MINAR1: variants seen among roughly 807,000 people sequenced by gnomAD.
MINAR1 encodes major intrinsically disordered Notch2-binding receptor 1.
In MINAR1, 40 loss-of-function variants were observed where a neutral mutation model predicts 65.1. The ratio of observed to expected loss-of-function variants is 0.61; its 90% CI spans 0.48 to 0.80. MINAR1 has a LOEUF of 0.80. MINAR1 is among the 30% of genes least tolerant of loss of function. The probability of loss-of-function intolerance (pLI) is 0.00; values close to 1 mark genes in which losing one functional copy is unlikely to be tolerated. For missense variants in MINAR1, 1,128 were observed against 1,148.0 expected, an observed-to-expected ratio of 0.98 and a Z score of 0.25; for synonymous variants, 482 against 449.1, an observed-to-expected ratio of 1.07 and a Z score of -0.93.
Position 79,456,824 on chromosome 15 carries a change from C to T in MINAR1, c.677C>T (p.Ser226Leu). The change falls in exon 2 of 4, where the codon TCA (serine) becomes TTA (leucine). Residue 226 changes from serine (S) to leucine (L), a missense_variant. Ser to Leu is a moderately radical substitution (Grantham distance 145). Transcript: ENST00000305428. ...ATGAACATCGAAAACGAGTCCATTT[C>T]AGACCAGGACTCCCTGCCCATCAAT... ...FPMNIENESI[S>L]DQDSLPINQS... 6.2e-7 allele frequency: 1 copy of T among 1,614,214 alleles called. No homozygotes were observed. The highest frequency in any genetic ancestry group is 8.5e-7 in the Non-Finnish European group (1 of 1,180,038).
chr15:79,463,243 G>A lies in MINAR1; in HGVS notation c.2475G>A (p.Arg825=). 1 of 1,614,230 alleles carries A rather than the reference G, an allele frequency of 6.2e-7. No homozygotes were observed. The highest frequency in any genetic ancestry group is 1.3e-5 in the African/African-American group (1 of 75,056). ...TGACCGAGTTGGCCGAGGTGAAGCG[G>A]GGCCAACCTTCTTGGACCATTGAGG... ...MRLTELAEVK[R]GQPSWTIEEY... Residue 825 remains arginine, a synonymous_variant, in exon 3 of 4, where the codon CGG becomes CGA. Coordinates refer to ENST00000305428, the MANE Select transcript of MINAR1 (RefSeq NM_015206.3).
chr15:79,445,547 G>GT (rs1306534951), intron 1 of MINAR1, among the ~76,000 whole-genome samples: 7 of 71,108 alleles, frequency 9.8e-5, no homozygotes, highest in Non-Finnish European at 1.0e-4. Context: ...TTCTGTGACA[G>GT]TTATTTTTTT....
chr15:79,446,721 A>C (rs1260953226), intron 1 of MINAR1, among the ~76,000 whole-genome samples: 2 of 152,144 alleles, frequency 1.3e-5, no homozygotes, highest in African/African-American at 2.4e-5. Flanking sequence ...TTGAGTTAGA[A>C]GATTCATGCT....
chr15:79,463,343 G>A (rs201557642), intron 3 of MINAR1, 22 bp downstream of exon 3: 78 of 1,607,526 alleles, frequency 4.9e-5, no homozygotes, highest in Non-Finnish European at 5.6e-5. Context: ...ACTGTCCCTG[G>A]GTGGGGGAAG....
intron 3 of MINAR1, chr15:79,463,758 C>T: frequency 2.2e-6 from 1 of 458,474 alleles, no homozygotes; most frequent in East Asian, 6.9e-5. Context: ...GGAGCAGCCC[C>T]AGGTAAGAGC....
chr15:79,431,605 A>G (rs1486744110), upstream of MINAR1, among the ~76,000 whole-genome samples: 2 of 152,180 alleles, frequency 1.3e-5, no homozygotes, highest in Admixed American at 6.5e-5. Context: ...AGAAGAAATC[A>G]GTGAGTGAAG....
In MINAR1 at chr15:79,458,265, G is replaced by T; in HGVS notation, c.2118G>T (p.Arg706Ser). Reference protein sequence around the residue: ...VKALKKSLFTRPSSRSLTEEN... With the variant: ...VKALKKSLFTSPSSRSLTEEN... ...CCTTAAAAAAAAGCCTCTTCACCAG[G>T]CCATCCTCTAGGTCCCTAACAGAGG... The change falls in exon 2 of 4, where the codon AGG becomes AGT. Residue 706 changes from arginine (R) to serine (S), a missense_variant. Arg to Ser is a moderately radical substitution (Grantham distance 110, BLOSUM62 -1). Coordinates refer to ENST00000305428, the MANE Select transcript of MINAR1 (RefSeq NM_015206.3). 1.9e-6 allele frequency: 3 copies of T among 1,614,078 alleles called. No homozygotes were observed. Among genetic ancestry groups the T allele is most frequent in the Non-Finnish European group, 2.5e-6 (3 of 1,180,000 alleles).
chr15:79,452,883 G>A (rs1424634294), intron 1 of MINAR1, among the ~76,000 whole-genome samples: 8 of 151,462 alleles, frequency 5.3e-5, no homozygotes, highest in Non-Finnish European at 1.5e-5. Flanking sequence ...AGCTGTGTGA[G>A]TGTGTGTAGG....
chr15:79,450,346 C>G (rs964920293), intron 1 of MINAR1, among the ~76,000 whole-genome samples: 2 of 152,098 alleles, frequency 1.3e-5, no homozygotes, highest in African/African-American at 2.4e-5. Flanking sequence ...TTAGTGGGGG[C>G]TGGACACCTA....
Position 79,433,620 on chromosome 15 carries a change from T to C in MINAR1, c.-51+1080T>C, listed in dbSNP as rs141295636. 2.0e-4 allele frequency among the ~76,000 whole-genome samples: 30 copies of C among 152,332 alleles called. No individual in the cohort carries two copies. In the East Asian group the frequency reaches 5.0e-3, roughly 25 times the overall value. The stretch of plus-strand genomic sequence containing the variant: ...TGCAATTTTATGCTCTGTGATATTA[T>C]GCATGGCATGAAGAGTTGCTAGGAG... On this transcript the variant is annotated intron_variant, in intron 1 of 3. Coordinates refer to ENST00000305428, the MANE Select transcript of MINAR1 (RefSeq NM_015206.3).
chr15:79,463,405 C>A, intron 3 of MINAR1, 84 bp downstream of exon 3: 1 of 1,532,396 alleles, frequency 6.5e-7, no homozygotes. Flanking sequence ...CGGCTTAGAC[C>A]GGCCAGCCCA....
intron 3 of MINAR1, 70 bp from the exon 4 acceptor site, chr15:79,468,117 G>C: frequency 7.9e-7 from 1 of 1,268,268 alleles, no homozygotes; most frequent in East Asian, 2.4e-5. Context: ...CAGGAGTGAT[G>C]ACTGTCGGGA....
rs2141314595 is a variant in MINAR1 at position 79,469,776 on chromosome 15, T to C, written c.*1392T>C. 1 of 152,758 alleles carries C rather than the reference T, an allele frequency of 6.5e-6. No homozygotes were observed. The highest frequency in any genetic ancestry group is 6.5e-5 in the Admixed American group (1 of 15,300). The allele number at this position is 152,758 out of a possible 1,614,324, so 9.5% of individuals were successfully genotyped here. ...TGTTACAGGTCAAAGAAAAAAGGATTGACAGAAACTAGCTACCTTATATAT... is the reference window on the plus strand; with the variant it reads ...TGTTACAGGTCAAAGAAAAAAGGATCGACAGAAACTAGCTACCTTATATAT... On this transcript the variant is annotated 3_prime_UTR_variant, in exon 4 of 4. Transcript: ENST00000305428.
intron 1 of MINAR1, 141 bp from the exon 2 acceptor site, chr15:79,455,957 T>G: frequency 1.8e-6 from 1 of 568,436 alleles, no homozygotes; most frequent in South Asian, 2.7e-5. Context: ...ATGAATATTT[T>G]TACTGTCCTT....
At chr15:79,450,212 A>AG (rs1225519550) in intron 1 of MINAR1, among the ~76,000 whole-genome samples, 8 of 152,188 alleles carry the variant, frequency 5.3e-5, no homozygotes, top group African/African-American at 1.9e-4. Context: ...CATAAAATGA[A>AG]GGGTTAGGCT....
chr15:79,439,339 A>G (rs1338823064), intron 1 of MINAR1, among the ~76,000 whole-genome samples: 1 of 31,734 alleles, frequency 3.2e-5, no homozygotes, highest in Non-Finnish European at 6.4e-5. Flanking sequence ...TGGGGTAGGC[A>G]GTGTGTGTGT....
intron 3 of MINAR1, 112 bp from the exon 4 acceptor site, chr15:79,468,075 C>G: frequency 3.7e-6 from 3 of 813,864 alleles, no homozygotes. Context: ...AATACAGTCT[C>G]TAACTCCCAG....
At position 79,468,519 on chromosome 15, in the gene MINAR1, A is replaced by G. The variant is rs796270533; in HGVS notation, c.*135A>G. The G allele has an allele frequency of 1.2e-5, 10 of 832,350 alleles. No individual in the cohort carries two copies. The African/African-American group carries it at 1.7e-4, about 14-fold the overall frequency. The allele number at this position is 832,350 out of a possible 1,614,324, so 51.6% of individuals were successfully genotyped here. ...GAGGCATTTCTACAAATGTTGAATG[A>G]AGGTGGTTTTCAGAAAGTATACATT... On this transcript the variant is annotated 3_prime_UTR_variant, in exon 4 of 4. Coordinates refer to ENST00000305428, the MANE Select transcript of MINAR1 (RefSeq NM_015206.3).
intron 1 of MINAR1, among the ~76,000 whole-genome samples, chr15:79,436,352 G>C (rs1278906001): frequency 6.6e-6 from 1 of 152,158 alleles, no homozygotes; most frequent in Non-Finnish European, 1.5e-5. Context: ...GCACCACATC[G>C]TGGCATGCGG....
Sources: allele counts gnomAD v4.1 joint callset (sites outside exome capture counted in the v4.1 genomes callset), GRCh38; gene constraint gnomAD v4.1.1; transcripts MANE v1.5; gene names NCBI Gene and HGNC (gene_info 2026-07-23, HGNC 2026-07-21).